MAN1A2: variants seen among roughly 807,000 people sequenced by gnomAD.
MAN1A2 encodes mannosyl-oligosaccharide 1,2-alpha-mannosidase IB.
In MAN1A2, 26 loss-of-function variants were observed where a neutral mutation model predicts 75.7. That is an observed-to-expected ratio of 0.34 (90% CI 0.25 to 0.48). The LOEUF (loss-of-function observed/expected upper bound fraction) is 0.48, where lower values mean the gene tolerates loss of function less well. Among genes scored for constraint, MAN1A2 ranks in the 20% least tolerant of loss-of-function variants. MAN1A2 has a pLI of 0.99. For synonymous variants in MAN1A2, 247 were observed against 264.6 expected (o/e 0.93, Z 0.65); for missense variants, 562 against 775.5 (o/e 0.72, Z 3.27).
At chr1:117,420,728 G>A in intron 5 of MAN1A2, 79 bp downstream of exon 5, 1 of 1,043,102 alleles carries the variant, frequency 9.6e-7, no homozygotes, top group Non-Finnish European at 1.5e-6. Flanking sequence ...TTCCCTAGAA[G>A]CATATTAGTT....
intron 1 of MAN1A2, among the ~76,000 whole-genome samples, chr1:117,387,972 G>A (rs1343334521): frequency 2.1e-4 from 8 of 37,968 alleles, no homozygotes; most frequent in East Asian, 8.7e-4. Context: ...ACCCCCCGCC[G>A]TCATCTCCAA....
In MAN1A2 at chr1:117,496,952, C is replaced by T. The variant is rs751342547; in HGVS notation, c.1474C>T (p.Arg492Cys). 8 of 1,611,724 alleles carry T rather than the reference C, an allele frequency of 5.0e-6. No homozygotes were observed. Among genetic ancestry groups the T allele is most frequent in the East Asian group, 2.2e-5 (1 of 44,658 alleles). Reference sequence around the variant, plus strand: ...TTTAGAGCTAGGGGCAGAAATTGCACGTACTTGTCATGAGTCATATGACAG... The same window carrying T: ...TTTAGAGCTAGGGGCAGAAATTGCATGTACTTGTCATGAGTCATATGACAG... ...HYLELGAEIA[R>C]TCHESYDRTA... Residue 492 changes from arginine to cysteine, a missense_variant, in exon 10 of 13, where the codon CGT (arginine) becomes TGT (cysteine). Transcript: ENST00000356554.
At chr1:117,469,166 C>G (rs1650064765) in intron 8 of MAN1A2, among the ~76,000 whole-genome samples, 1 of 151,988 alleles carries the variant, frequency 6.6e-6, no homozygotes, top group Admixed American at 6.6e-5. Flanking sequence ...GAGCGAGACC[C>G]TCTCTCAAAA....
chr1:117,484,846 A>G (rs1650621193), intron 8 of MAN1A2, among the ~76,000 whole-genome samples: 1 of 151,226 alleles, frequency 6.6e-6, no homozygotes, highest in Non-Finnish European at 1.5e-5. Context: ...ATCTACACAT[A>G]TGTTATTCAT....
chr1:117,485,940 CAG>C (rs1328298293), intron 8 of MAN1A2, among the ~76,000 whole-genome samples: 3 of 152,006 alleles, frequency 2.0e-5, no homozygotes, highest in Non-Finnish European at 2.9e-5. Context: ...TATTCCCACT[CAG>C]GGGATAGAAT....
Position 117,520,821 on chromosome 1 carries a change from T to G in MAN1A2, c.1794-2004T>G, listed in dbSNP as rs1216020398. ...CTTCACCGAACTAGAAAAAACATCC[T>G]AAAATTCATATGGAACAAAAAAAGA... On this transcript the variant is annotated intron_variant, in intron 12 of 12. Transcript: ENST00000356554. 1.3e-5 allele frequency among the ~76,000 whole-genome samples: 2 copies of G among 151,888 alleles called. 1 individual carries two copies. The highest frequency in any genetic ancestry group is 4.8e-5 in the African/African-American group (2 of 41,344).
In MAN1A2 at chr1:117,526,102, A is replaced by G. The variant is rs1557985266; in HGVS notation, c.*3145A>G. The stretch of plus-strand genomic sequence containing the variant: ...CTCTCCATTGCCAAAGTCTTTGTCA[A>G]AACTCCAAATTTGTTGATAAAAGAT... On this transcript the variant is annotated 3_prime_UTR_variant, in exon 13 of 13. Transcript: ENST00000356554. 1 of 151,824 alleles carries G rather than the reference A, an allele frequency of 6.6e-6. No homozygotes were observed. The highest frequency in any genetic ancestry group is 1.5e-5 in the Non-Finnish European group (1 of 67,816). The allele number at this position is 151,824 out of a possible 1,614,324, so 9.4% of individuals were successfully genotyped here.
chr1:117,443,435 G>T (rs976649348), intron 6 of MAN1A2, among the ~76,000 whole-genome samples: 1 of 152,078 alleles, frequency 6.6e-6, no homozygotes, highest in Non-Finnish European at 1.5e-5. Context: ...GCTTGTTCTC[G>T]TTCCTTAGTT....
intron 11 of MAN1A2, 88 bp from the exon 12 acceptor site, chr1:117,502,767 G>C: frequency 1.5e-6 from 1 of 689,058 alleles, no homozygotes; most frequent in Non-Finnish European, 2.6e-6. Context: ...ATCTTTATGA[G>C]CTTTTGACTA....
intron 4 of MAN1A2, among the ~76,000 whole-genome samples, chr1:117,415,621 A>C (rs1647965801): frequency 6.6e-6 from 1 of 151,968 alleles, no homozygotes. Flanking sequence ...ATGGTGAGTG[A>C]TAGAAAACCT....
At chr1:117,520,002 A>G (rs964008943) in intron 12 of MAN1A2, among the ~76,000 whole-genome samples, 1 of 152,108 alleles carries the variant, frequency 6.6e-6, no homozygotes, top group Non-Finnish European at 1.5e-5. Context: ...GTTTCATACA[A>G]GGGATGCAGG....
At chr1:117,406,815 T>G (rs557745530) in intron 3 of MAN1A2, among the ~76,000 whole-genome samples, 2 of 152,230 alleles carry the variant, frequency 1.3e-5, no homozygotes, top group Non-Finnish European at 2.9e-5. Context: ...TCAATTAAAT[T>G]TAGAACCTCC....
Position 117,528,146 on chromosome 1 carries a change from G to C in MAN1A2, c.*5189G>C, listed in dbSNP as rs1282505970. The C allele has an allele frequency of 6.6e-6, 1 of 151,954 alleles. No individual in the cohort carries two copies. The highest frequency in any genetic ancestry group is 2.4e-5 in the African/African-American group (1 of 41,388). The allele number at this position is 151,954 out of a possible 1,614,324, so 9.4% of individuals were successfully genotyped here. On this transcript the variant is annotated 3_prime_UTR_variant, in exon 13 of 13. Transcript: ENST00000356554. ...TTAACAGCTAATCCATTTCAAACTT[G>C]GTTTGAGCCTAGCAATTGCAGAACT... is the stretch of plus-strand genomic sequence containing the variant.
At chr1:117,477,617 A>G (rs554588670) in intron 8 of MAN1A2, among the ~76,000 whole-genome samples, 1 of 152,198 alleles carries the variant, frequency 6.6e-6, no homozygotes, top group Non-Finnish European at 1.5e-5. Flanking sequence ...TCAATAAACT[A>G]GATAATGATG....
chr1:117,525,086 C>T lies in MAN1A2; in HGVS notation c.*2129C>T. 2 of 526,108 alleles carry T rather than the reference C, an allele frequency of 3.8e-6. No homozygotes were observed. The highest frequency in any genetic ancestry group is 1.4e-5 in the South Asian group (1 of 69,568). The allele number at this position is 526,108 out of a possible 1,614,324, so 32.6% of individuals were successfully genotyped here. A position where few individuals can be genotyped will look rare whatever the true frequency, so the allele number is the denominator to read the frequency against. On this transcript the variant is annotated 3_prime_UTR_variant, in exon 13 of 13. Coordinates refer to ENST00000356554, the MANE Select transcript of MAN1A2 (RefSeq NM_006699.5). ...GAGTAAAGGGACCTTCTTGGTTCTG[C>T]AGGAACTTCTCAAGGGATGAGGAGA...
intron 1 of MAN1A2, among the ~76,000 whole-genome samples, chr1:117,389,867 AGG>A (rs1269500851): frequency 3.3e-5 from 5 of 151,602 alleles, no homozygotes; most frequent in Non-Finnish European, 7.4e-5. Flanking sequence ...GTATCAGATT[AGG>A]AAATACCCTT....
Position 117,523,841 on chromosome 1 carries a change from C to T in MAN1A2, c.*884C>T, listed in dbSNP as rs796858811. 1 of 151,788 alleles carries T rather than the reference C, an allele frequency of 6.6e-6. No individual in the cohort carries two copies. Among genetic ancestry groups the T allele is most frequent in the Non-Finnish European group, 1.5e-5 (1 of 67,804 alleles). The allele number at this position is 151,788 out of a possible 1,614,324, so 9.4% of individuals were successfully genotyped here. A position where few individuals can be genotyped will look rare whatever the true frequency, so the allele number is the denominator to read the frequency against. ...GCTACATTATTTTTCCAGACCAACA[C>T]ATCTACCAAGTAAATTTTATTCACT... On this transcript the variant is annotated 3_prime_UTR_variant, in exon 13 of 13. Coordinates refer to ENST00000356554, the MANE Select transcript of MAN1A2 (RefSeq NM_006699.5).
chr1:117,514,962 C>T (rs989330995), intron 12 of MAN1A2: 2 of 520,088 alleles, frequency 3.8e-6, no homozygotes, highest in African/African-American at 3.9e-5. Flanking sequence ...TAAGTCAAAT[C>T]AATATGTACT....
chr1:117,387,340 T>C (rs1653568730), intron 1 of MAN1A2, among the ~76,000 whole-genome samples: 1 of 152,156 alleles, frequency 6.6e-6, no homozygotes, highest in Admixed American at 6.5e-5. Flanking sequence ...TATGGTGTGT[T>C]CCTTTCAGCA....
Sources: allele counts gnomAD v4.1 joint callset (sites outside exome capture counted in the v4.1 genomes callset), GRCh38; gene constraint gnomAD v4.1.1; transcripts MANE v1.5; gene names NCBI Gene and HGNC (gene_info 2026-07-23, HGNC 2026-07-21).